SHISA9: variants seen among roughly 807,000 people sequenced by gnomAD.
The protein encoded by SHISA9 is protein shisa-9.
Under a neutral mutation model 38.0 loss-of-function variants are expected in SHISA9, and 13 were observed. The ratio of observed to expected loss-of-function variants is 0.34; its 90% CI spans 0.22 to 0.54. SHISA9 has a LOEUF of 0.54. Among genes scored for constraint, SHISA9 ranks in the 20% least tolerant of loss-of-function variants. The pLI is 0.91. For synonymous variants in SHISA9, 275 were observed against 242.0 expected (o/e 1.14, Z -1.27); for missense variants, 538 against 575.8 (o/e 0.93, Z 0.67).
chr16:13,166,423 C>T (rs2050636259), intron 2 of SHISA9, among the ~76,000 whole-genome samples: 1 of 152,166 alleles, frequency 6.6e-6, no homozygotes, highest in Non-Finnish European at 1.5e-5. Context: ...TAGGATGAAG[C>T]GTGTGCTTCT....
chr16:13,231,299 C>T (rs1406228203), intron 4 of SHISA9, among the ~76,000 whole-genome samples: 1 of 152,214 alleles, frequency 6.6e-6, no homozygotes, highest in African/African-American at 2.4e-5. Flanking sequence ...GCATGGCCAC[C>T]TTGGGCCAGA....
At chr16:13,040,229 C>T (rs190090855) in intron 2 of SHISA9, among the ~76,000 whole-genome samples, 1 of 152,338 alleles carries the variant, frequency 6.6e-6, no homozygotes, top group East Asian at 1.9e-4. Flanking sequence ...GATCTGATCT[C>T]TGCTTCTTGC....
intron 2 of SHISA9, among the ~76,000 whole-genome samples, chr16:13,135,904 G>A (rs145646175): frequency 6.6e-6 from 1 of 152,094 alleles, no homozygotes; most frequent in African/African-American, 2.4e-5. Flanking sequence ...ATATTCCAGG[G>A]CTCCACTATC....
At chr16:13,380,668 G>T in the SHISA9 span, among the ~76,000 whole-genome samples, 3 of 151,956 alleles carry the variant, frequency 2.0e-5, no homozygotes, top group East Asian at 5.8e-4. Flanking sequence ...TTTAAAACTT[G>T]GCATTTTATT....
At chr16:13,476,204 C>G in the SHISA9 span, among the ~76,000 whole-genome samples, 80 of 152,220 alleles carry the variant, frequency 5.3e-4, 1 homozygote, top group East Asian at 0.011. Context: ...ATCCCCACTC[C>G]CCTGCCCCAG....
At chr16:13,408,980 G>T in the SHISA9 span, among the ~76,000 whole-genome samples, 1 of 152,172 alleles carries the variant, frequency 6.6e-6, no homozygotes, top group Non-Finnish European at 1.5e-5. Context: ...TGTCCAAAAA[G>T]TTGTCTTTTG....
At chr16:13,271,879 C>T in the SHISA9 span, among the ~76,000 whole-genome samples, 6 of 151,772 alleles carry the variant, frequency 4.0e-5, no homozygotes, top group Admixed American at 6.6e-5. Flanking sequence ...GTCAGGAGTT[C>T]GAGACCAGCC....
intron 2 of SHISA9, among the ~76,000 whole-genome samples, chr16:13,014,649 C>G (rs145058404): frequency 6.6e-6 from 1 of 152,182 alleles, no homozygotes. Flanking sequence ...TTGCACCAAC[C>G]TGAGATGTGG....
chr16:13,083,297 C>T (rs1039830294), intron 2 of SHISA9, among the ~76,000 whole-genome samples: 1 of 152,194 alleles, frequency 6.6e-6, no homozygotes, highest in Non-Finnish European at 1.5e-5. Context: ...CTCATGGTCT[C>T]ATGCGTCATC....
chr16:13,434,244 T>C, the SHISA9 span, among the ~76,000 whole-genome samples: 1 of 152,154 alleles, frequency 6.6e-6, no homozygotes, highest in Non-Finnish European at 1.5e-5. Context: ...TGGCAGCTGA[T>C]TAGATTGTGT....
the SHISA9 span, among the ~76,000 whole-genome samples, chr16:13,469,805 C>A: frequency 2.2e-5 from 3 of 135,474 alleles, no homozygotes; most frequent in Admixed American, 1.5e-4. Flanking sequence ...AGGTATCTAC[C>A]TGCTGGGTTG....
At chr16:13,382,800 G>A in the SHISA9 span, among the ~76,000 whole-genome samples, 1 of 152,186 alleles carries the variant, frequency 6.6e-6, no homozygotes. Context: ...AGAAGCTGCA[G>A]TGAGCCGAGA....
chr16:12,906,711 C>T (rs1160519432), intron 1 of SHISA9, among the ~76,000 whole-genome samples: 1 of 152,176 alleles, frequency 6.6e-6, no homozygotes, highest in East Asian at 1.9e-4. Flanking sequence ...CTTGAAAAAT[C>T]ATAACATAAC....
intron 2 of SHISA9, among the ~76,000 whole-genome samples, chr16:13,163,156 A>G (rs2050609873): frequency 6.6e-6 from 1 of 152,174 alleles, no homozygotes; most frequent in Non-Finnish European, 1.5e-5. Context: ...AAAGGATGCT[A>G]ATAATGCTAA....
the SHISA9 span, among the ~76,000 whole-genome samples, chr16:13,340,305 G>T: frequency 6.6e-6 from 1 of 151,988 alleles, no homozygotes; most frequent in Non-Finnish European, 1.5e-5. Flanking sequence ...TGCCTTTTTC[G>T]CTCCCCAGAT....
intron 2 of SHISA9, among the ~76,000 whole-genome samples, chr16:13,106,845 G>C (rs566904444): frequency 7.9e-5 from 12 of 152,184 alleles, no homozygotes; most frequent in Admixed American, 4.6e-4. Context: ...ATTTTTCTGA[G>C]AATGAAGCCG....
the SHISA9 span, among the ~76,000 whole-genome samples, chr16:13,394,928 G>GGTGTGTGTGTGT: frequency 3.0e-4 from 42 of 139,504 alleles, no homozygotes; most frequent in East Asian, 2.9e-3. Flanking sequence ...CAGTATCTGG[G>GGTGTGTGTGTGT]GTGTGTGTGT....
the SHISA9 span, among the ~76,000 whole-genome samples, chr16:13,394,968 T>C: frequency 6.7e-6 from 1 of 149,752 alleles, no homozygotes; most frequent in East Asian, 2.0e-4. Context: ...TGTGTGTGTG[T>C]GGCTGTTTGT....
At chr16:12,964,292 A>G (rs1404792831) in intron 2 of SHISA9, among the ~76,000 whole-genome samples, 2 of 152,212 alleles carry the variant, frequency 1.3e-5, no homozygotes, top group African/African-American at 4.8e-5. Flanking sequence ...TTGCCTGACC[A>G]AATGAAAAAG....
Sources: gnomAD v4.1 joint callset for allele counts (sites outside exome capture counted in the v4.1 genomes callset) on GRCh38, gnomAD v4.1.1 for gene constraint, MANE v1.5 for transcripts, NCBI Gene and HGNC (gene_info 2026-07-23, HGNC 2026-07-21) for gene names.